TRIM33: variants seen among roughly 807,000 people sequenced by gnomAD.
TRIM33 encodes the protein E3 ubiquitin-protein ligase TRIM33.
Under a neutral mutation model 125.4 loss-of-function variants are expected in TRIM33, and 20 were observed. The ratio of observed to expected loss-of-function variants is 0.16; its 90% CI spans 0.11 to 0.23. The LOEUF (loss-of-function observed/expected upper bound fraction) is 0.23, where lower values mean the gene tolerates loss of function less well. Ranked by LOEUF, TRIM33 falls within the 10% of genes least tolerant of loss-of-function variation. The probability of loss-of-function intolerance (pLI) is 1.00; values close to 1 mark genes in which losing one functional copy is unlikely to be tolerated. For missense variants in TRIM33, 920 were observed against 1,411.4 expected (o/e 0.65, Z 5.58); for synonymous variants, 564 against 513.9 (o/e 1.10, Z -1.32).
At chr1:114,448,087 G>A (rs2101286405) in intron 4 of TRIM33, among the ~76,000 whole-genome samples, 1 of 152,316 alleles carries the variant, frequency 6.6e-6, no homozygotes, top group South Asian at 2.1e-4. Context: ...GCAGCATACT[G>A]AAATATAGGA....
intron 10 of TRIM33, among the ~76,000 whole-genome samples, chr1:114,422,462 G>C (rs780408203): frequency 6.6e-6 from 1 of 151,400 alleles, no homozygotes; most frequent in Non-Finnish European, 1.5e-5. Context: ...TAAATGTTCA[G>C]ACCATCAATC....
intron 11 of TRIM33, among the ~76,000 whole-genome samples, chr1:114,415,854 A>G (rs1260922666): frequency 6.7e-6 from 1 of 149,944 alleles, no homozygotes; most frequent in Admixed American, 6.7e-5. Flanking sequence ...CTGGAGGCTG[A>G]GGCATAAGAA....
At chr1:114,502,323 C>T (rs1652766727) in intron 1 of TRIM33, among the ~76,000 whole-genome samples, 1 of 152,178 alleles carries the variant, frequency 6.6e-6, no homozygotes, top group African/African-American at 2.4e-5. Context: ...AGGGCTCAAA[C>T]TTCCTGGTCT....
At chr1:114,507,508 C>G (rs1653069976) in intron 1 of TRIM33, among the ~76,000 whole-genome samples, 1 of 152,144 alleles carries the variant, frequency 6.6e-6, no homozygotes, top group Non-Finnish European at 1.5e-5. Flanking sequence ...GCTATGATCT[C>G]CAGACCAGAG....
chr1:114,484,289 T>G (rs964019466), intron 1 of TRIM33, among the ~76,000 whole-genome samples: 1 of 152,190 alleles, frequency 6.6e-6, no homozygotes, highest in Non-Finnish European at 1.5e-5. Context: ...ACTCTAACCA[T>G]GCCCACGTTT....
At chr1:114,406,535 C>T (rs1268986750) in intron 14 of TRIM33, among the ~76,000 whole-genome samples, 2 of 152,164 alleles carry the variant, frequency 1.3e-5, no homozygotes, top group East Asian at 3.8e-4. Context: ...TATCACAAAA[C>T]TCTGATCAAT....
chr1:114,485,209 T>C (rs1166440281), intron 1 of TRIM33, among the ~76,000 whole-genome samples: 1 of 152,084 alleles, frequency 6.6e-6, no homozygotes, highest in African/African-American at 2.4e-5. Context: ...TGTAAAATGT[T>C]AGGACCAAAA....
At chr1:114,491,765 C>T (rs1328263677) in intron 1 of TRIM33, among the ~76,000 whole-genome samples, 1 of 152,170 alleles carries the variant, frequency 6.6e-6, no homozygotes, top group African/African-American at 2.4e-5. Flanking sequence ...AACTGGGCCA[C>T]TGCATTCCAG....
At chr1:114,401,592 T>A in intron 16 of TRIM33, 129 bp from the exon 17 acceptor site, 1 of 616,570 alleles carries the variant, frequency 1.6e-6, no homozygotes, top group Non-Finnish European at 2.7e-6. Context: ...GTTTACTAGA[T>A]ACTCAACTAA....
chr1:114,399,696 G>GA (rs1350103474), intron 17 of TRIM33, 87 bp from the exon 18 acceptor site: 13 of 1,188,786 alleles, frequency 1.1e-5, no homozygotes, highest in African/African-American at 6.2e-5. Flanking sequence ...TAATTTTAGG[G>GA]AAAAAAATTA....
chr1:114,443,124 C>T (rs1211999161), intron 4 of TRIM33, among the ~76,000 whole-genome samples: 1 of 150,714 alleles, frequency 6.6e-6, no homozygotes, highest in East Asian at 1.9e-4. Context: ...TGGCTCACAC[C>T]TGTAATCCCA....
chr1:114,469,156 A>G, intron 1 of TRIM33: 1 of 185,026 alleles, frequency 5.4e-6, no homozygotes, highest in Non-Finnish European at 1.1e-5. Context: ...CTGGACACAC[A>G]CCTGCAGAAG....
At chr1:114,408,926 C>T (rs1474081988) in intron 12 of TRIM33, among the ~76,000 whole-genome samples, 186 bp from the exon 13 acceptor site, 1 of 152,180 alleles carries the variant, frequency 6.6e-6, no homozygotes. Context: ...TCAGCTGTGT[C>T]CAGACATCAC....
At chr1:114,433,973 A>G (rs1467815795) in intron 4 of TRIM33, among the ~76,000 whole-genome samples, 2 of 152,216 alleles carry the variant, frequency 1.3e-5, no homozygotes, top group Non-Finnish European at 2.9e-5. Flanking sequence ...GAGTGCTCTT[A>G]TATTAGAGTG....
chr1:114,489,387 TGATTTTTCAGATATGGTGC>T (rs1403168548), intron 1 of TRIM33, among the ~76,000 whole-genome samples: 1 of 152,198 alleles, frequency 6.6e-6, no homozygotes, highest in Non-Finnish European at 1.5e-5. Context: ...GATTACGAAA[TGATTTTTCAGATATGGTGC>T]GAAAAACAAA....
intron 6 of TRIM33, among the ~76,000 whole-genome samples, chr1:114,428,214 G>A (rs2101171445): frequency 6.6e-6 from 1 of 152,304 alleles, no homozygotes; most frequent in African/African-American, 2.4e-5. Context: ...AGCATAAGGA[G>A]CTAACTTTAG....
At chr1:114,405,239 T>C in intron 15 of TRIM33, 171 bp downstream of exon 15, 1 of 585,842 alleles carries the variant, frequency 1.7e-6, no homozygotes, top group Non-Finnish European at 3.0e-6. Context: ...ACTTAGATCT[T>C]AGATATTTTA....
intron 1 of TRIM33, among the ~76,000 whole-genome samples, chr1:114,487,903 CAA>C (rs573681532): frequency 2.7e-3 from 100 of 36,594 alleles, no homozygotes; most frequent in South Asian, 2.8e-3. Context: ...GACTCCGTCT[CAA>C]AAAAAAAAAA....
intron 4 of TRIM33, among the ~76,000 whole-genome samples, chr1:114,444,245 GAGA>G (rs950303969): frequency 9.9e-5 from 15 of 152,152 alleles, no homozygotes; most frequent in Admixed American, 4.6e-4. Flanking sequence ...ATAGAGGGAA[GAGA>G]AGATATTGAA....
Sources: gnomAD v4.1 joint callset for allele counts (sites outside exome capture counted in the v4.1 genomes callset) on GRCh38, gnomAD v4.1.1 for gene constraint, MANE v1.5 for transcripts, NCBI Gene and HGNC (gene_info 2026-07-23, HGNC 2026-07-21) for gene names.